Variants in MID1 observed in about 807,000 individuals in gnomAD.
The protein encoded by MID1 is E3 ubiquitin-protein ligase Midline-1.
A neutral mutation model predicts 40.4 loss-of-function variants in MID1; 7 were observed. The ratio of observed to expected loss-of-function variants is 0.17; its 90% CI spans 0.10 to 0.33. MID1 has a LOEUF of 0.33. Among genes scored for constraint, MID1 ranks in the 10% least tolerant of loss-of-function variants. The probability of loss-of-function intolerance (pLI) is 1.00; values close to 1 mark genes in which losing one functional copy is unlikely to be tolerated. For missense variants in MID1, 367 were observed against 558.5 expected (o/e 0.66, Z 3.46); for synonymous variants, 229 against 221.2 (o/e 1.04, Z -0.31).
upstream of MID1, among the ~76,000 whole-genome samples, chrX:10,622,967 G>A (rs984193228): frequency 1.4e-4 from 15 of 109,493 alleles, no homozygotes; most frequent in African/African-American, 2.0e-4. Context: ...AGTGAGGCCC[G>A]GTGAGGTGGC....
chrX:10,501,550 C>T (rs1231305210), intron 3 of MID1: 14 of 1,144,170 alleles, frequency 1.2e-5, no homozygotes, highest in Non-Finnish European at 1.6e-5. Context: ...ACTTTCTGAT[C>T]CTTTACAGTC....
At chrX:10,474,295 T>A (rs1929878020) in intron 6 of MID1, among the ~76,000 whole-genome samples, 1 of 112,159 alleles carries the variant, frequency 8.9e-6, no homozygotes. Context: ...TCTGCCAATG[T>A]ATTGTGAGTT....
At chrX:10,759,413 G>T (rs970088191) in intron 1 of MID1, among the ~76,000 whole-genome samples, 5 of 111,466 alleles carry the variant, frequency 4.5e-5, no homozygotes, top group African/African-American at 1.6e-4. Context: ...TCACATAGGC[G>T]CACAAATCTG....
chrX:10,651,654 CT>C (rs745710197), intron 1 of MID1, among the ~76,000 whole-genome samples: 1 of 112,458 alleles, frequency 8.9e-6, no homozygotes, highest in East Asian at 2.8e-4. Flanking sequence ...GAGACAGGGT[CT>C]CGCTCTGTTG....
intron 1 of MID1, among the ~76,000 whole-genome samples, chrX:10,739,714 T>C (rs1384475667): frequency 2.7e-5 from 3 of 111,439 alleles, no homozygotes; most frequent in Non-Finnish European, 5.7e-5. Flanking sequence ...AGAGTGAAAA[T>C]GTAAAGTGAT....
In MID1 at chrX:10,800,014, T is replaced by G. The variant is rs778719533; in HGVS notation, c.-187+33540A>C. Among the ~76,000 whole-genome samples, 3 of 110,882 alleles carry G rather than the reference T, an allele frequency of 2.7e-5. No individual in the cohort carries two copies. In the South Asian group the frequency reaches 1.2e-3, roughly 43 times the overall value. ...ACCCTTCAGACCACTATAAATGCTG[T>G]GGTAGATATCTCCAAGATGGCACCA... is the stretch of plus-strand genomic sequence containing the variant. On this transcript the variant is annotated intron_variant, in intron 1 of 10. Transcript: ENST00000380785.
intron 1 of MID1, among the ~76,000 whole-genome samples, chrX:10,805,386 T>C (rs1470711519): frequency 6.5e-5 from 7 of 107,161 alleles, no homozygotes; most frequent in Admixed American, 5.1e-4. Flanking sequence ...CATGTCCCTA[T>C]AAAGGACATG....
chrX:10,727,813 G>A (rs1602541468), intron 1 of MID1, among the ~76,000 whole-genome samples: 7 of 112,072 alleles, frequency 6.2e-5, no homozygotes, highest in Admixed American at 1.9e-4. Context: ...TGACTTCTGT[G>A]AGAATAAGCA....
chrX:10,467,371 A>T (rs186386747), intron 7 of MID1, among the ~76,000 whole-genome samples: 2 of 112,251 alleles, frequency 1.8e-5, no homozygotes, highest in Non-Finnish European at 3.8e-5. Context: ...GCAAAATGTT[A>T]CTAAACCATT....
At chrX:10,539,948 C>T (rs2147405377) in intron 2 of MID1, among the ~76,000 whole-genome samples, 1 of 112,650 alleles carries the variant, frequency 8.9e-6, no homozygotes, top group African/African-American at 3.2e-5. Context: ...TGCGGTGTTT[C>T]ACACCTGTAA....
intron 8 of MID1, 111 bp from the exon 9 acceptor site, chrX:10,455,188 C>A (rs1045927955): frequency 1.6e-6 from 1 of 624,674 alleles, no homozygotes; most frequent in Admixed American, 2.6e-5. Flanking sequence ...ACAAGCCAGC[C>A]CTCCCTGAGT....
chrX:10,675,936 TC>T (rs1280566258), intron 1 of MID1, among the ~76,000 whole-genome samples: 1 of 112,196 alleles, frequency 8.9e-6, no homozygotes, highest in East Asian at 2.8e-4. Flanking sequence ...AGTTCCATTT[TC>T]CTCACTTGAG....
chrX:10,496,976 A>G (rs1284670677), intron 3 of MID1, among the ~76,000 whole-genome samples: 1 of 112,640 alleles, frequency 8.9e-6, no homozygotes, highest in Non-Finnish European at 1.9e-5. Context: ...AGAAAAATTA[A>G]AAATGCATTG....
At chrX:10,616,638 C>T (rs1414202017) in intron 1 of MID1, among the ~76,000 whole-genome samples, 1 of 112,400 alleles carries the variant, frequency 8.9e-6, no homozygotes, top group African/African-American at 3.2e-5. Context: ...CATGCAACTA[C>T]CAATTAACGG....
chrX:10,505,350 A>G (rs1309107010), intron 3 of MID1: 7 of 752,034 alleles, frequency 9.3e-6, no homozygotes, highest in Non-Finnish European at 1.1e-5. Context: ...TTTGTGTTTA[A>G]TGGTAACTTT....
chrX:10,770,499 G>A (rs964432585), intron 1 of MID1, among the ~76,000 whole-genome samples: 2 of 111,428 alleles, frequency 1.8e-5, no homozygotes, highest in Admixed American at 1.9e-4. Flanking sequence ...GTATATACCA[G>A]GGAACTAATT....
At chrX:10,490,291 T>C (rs768630292) in intron 4 of MID1, among the ~76,000 whole-genome samples, 3 of 112,456 alleles carry the variant, frequency 2.7e-5, no homozygotes, top group South Asian at 7.4e-4. Flanking sequence ...GTATTTCATA[T>C]TTGTGAGGCT....
At chrX:10,613,411 G>A (rs2147535109) in intron 1 of MID1, among the ~76,000 whole-genome samples, 1 of 109,329 alleles carries the variant, frequency 9.1e-6, no homozygotes, top group South Asian at 4.0e-4. Flanking sequence ...CATCTACATG[G>A]AGAAGGCTTC....
At chrX:10,465,212 T>TACACACAC (rs1291317865) in intron 7 of MID1, among the ~76,000 whole-genome samples, 48 of 56,003 alleles carry the variant, frequency 8.6e-4, no homozygotes, top group African/African-American at 4.7e-3. Flanking sequence ...TATATATATA[T>TACACACAC]ATACACACAC....
Sources: gnomAD v4.1 joint callset for allele counts (sites outside exome capture counted in the v4.1 genomes callset) on GRCh38, gnomAD v4.1.1 for gene constraint, MANE v1.5 for transcripts, NCBI Gene and HGNC (gene_info 2026-07-23, HGNC 2026-07-21) for gene names.